The following DIAPH3 variants were observed in gnomAD, a reference collection of about 807,000 sequenced individuals.
DIAPH3 encodes the protein diaphanous related formin 3.
Under a neutral mutation model 144.3 loss-of-function variants are expected in DIAPH3, and 117 were observed. The observed-to-expected ratio is 0.81, with a 90% CI of 0.70 to 0.95. The LOEUF (loss-of-function observed/expected upper bound fraction) is 0.95. Among genes scored for constraint, DIAPH3 ranks in the 40% least tolerant of loss-of-function variants. The pLI is 0.00. For synonymous variants in DIAPH3, 519 were observed against 488.9 expected, an observed-to-expected ratio of 1.06 and a Z score of -0.81; for missense variants, 1,421 against 1,412.7, an observed-to-expected ratio of 1.01 and a Z score of -0.09.
At chr13:59,989,268 G>A (rs1005222816) in intron 12 of DIAPH3, among the ~76,000 whole-genome samples, 1 of 151,650 alleles carries the variant, frequency 6.6e-6, no homozygotes, top group African/African-American at 2.4e-5. Context: ...AAGTTTTACT[G>A]TATGTAAATA....
At chr13:59,718,954 T>C (rs1050140540) in intron 27 of DIAPH3, among the ~76,000 whole-genome samples, 1 of 152,024 alleles carries the variant, frequency 6.6e-6, no homozygotes, top group African/African-American at 2.4e-5. Context: ...TTAAAGAAAA[T>C]GTATTCATAA....
chr13:59,991,050 T>C lies in DIAPH3; in HGVS notation c.1361+108A>G. The stretch of plus-strand genomic sequence containing the variant: ...CAACACATTCTATGAATCAGTGTTA[T>C]GACAAAAATAAAAATCATTTGCTTG... On this transcript the variant is annotated intron_variant, in intron 12 of 27. Coordinates refer to ENST00000400324, the MANE Select transcript of DIAPH3 (RefSeq NM_001042517.2). 8 of 693,678 alleles carry C rather than the reference T, an allele frequency of 1.2e-5. No individual in the cohort carries two copies. In the South Asian group the frequency reaches 1.4e-4, roughly 12 times the overall value. The allele number at this position is 693,678 out of a possible 1,614,324, so 43.0% of individuals were successfully genotyped here.
intron 24 of DIAPH3, among the ~76,000 whole-genome samples, chr13:59,816,449 CCT>C (rs2040775721): frequency 6.6e-6 from 1 of 151,474 alleles, no homozygotes; most frequent in Non-Finnish European, 1.5e-5. Flanking sequence ...ACAGAAAGCT[CCT>C]CTCTTTTTAC....
intron 20 of DIAPH3, among the ~76,000 whole-genome samples, chr13:59,888,811 G>A (rs1179507202): frequency 6.6e-6 from 1 of 151,892 alleles, no homozygotes; most frequent in Non-Finnish European, 1.5e-5. Context: ...TACTAAAAAT[G>A]TCTTCATGTC....
intron 25 of DIAPH3, among the ~76,000 whole-genome samples, chr13:59,804,708 A>G (rs569565451): frequency 6.6e-6 from 1 of 152,266 alleles, no homozygotes; most frequent in South Asian, 2.1e-4. Context: ...AGAAATTACT[A>G]AAACTATTGG....
chr13:60,141,656 T>C (rs2138314379), intron 1 of DIAPH3, among the ~76,000 whole-genome samples: 1 of 152,350 alleles, frequency 6.6e-6, no homozygotes, highest in South Asian at 2.1e-4. Context: ...ATGCAACAAC[T>C]GTTAATTAAA....
chr13:59,917,629 G>A lies in DIAPH3; in HGVS notation c.2171-1380C>T, dbSNP rs551981012. ...GATTTGGCCAGGCACGGTGGCTCAC[G>A]CCTGTAATCCCAGCACTTTGGGAGG... On this transcript the variant is annotated intron_variant, in intron 18 of 27. Transcript: ENST00000400324. 4.4e-4 allele frequency among the ~76,000 whole-genome samples: 67 copies of A among 152,040 alleles called. No individual in the cohort carries two copies. The South Asian group carries it at 0.013, about 30-fold the overall frequency.
At chr13:59,815,881 A>T (rs1030210421) in intron 24 of DIAPH3, among the ~76,000 whole-genome samples, 3 of 151,954 alleles carry the variant, frequency 2.0e-5, no homozygotes, top group Non-Finnish European at 4.4e-5. Flanking sequence ...TCCCTTTTCA[A>T]TCTTTACATT....
chr13:60,134,260 T>G (rs1357190867), intron 1 of DIAPH3, among the ~76,000 whole-genome samples: 2 of 152,196 alleles, frequency 1.3e-5, no homozygotes, highest in African/African-American at 4.8e-5. Flanking sequence ...CTACTTTGAC[T>G]TGGGAATAAG....
At chr13:59,818,778 G>T (rs2040912948) in intron 24 of DIAPH3, among the ~76,000 whole-genome samples, 1 of 151,674 alleles carries the variant, frequency 6.6e-6, no homozygotes, top group South Asian at 2.1e-4. Context: ...TAGATGTATT[G>T]TGCAAATTCA....
At chr13:59,795,494 G>T (rs1021657761) in intron 25 of DIAPH3, among the ~76,000 whole-genome samples, 1 of 134,588 alleles carries the variant, frequency 7.4e-6, no homozygotes, top group Non-Finnish European at 1.5e-5. Flanking sequence ...TCGCTCTCCC[G>T]CCCAGGCTGG....
chr13:59,712,008 T>G (rs528288444), intron 27 of DIAPH3, among the ~76,000 whole-genome samples: 3 of 152,122 alleles, frequency 2.0e-5, no homozygotes, highest in Non-Finnish European at 4.4e-5. Flanking sequence ...AGCTCCTCTC[T>G]TGGGACAATA....
chr13:60,011,293 T>TA (rs2053245188), intron 7 of DIAPH3, among the ~76,000 whole-genome samples: 1 of 152,000 alleles, frequency 6.6e-6, no homozygotes, highest in South Asian at 2.1e-4. Context: ...AACAGAAGCA[T>TA]ATGAAACAAA....
chr13:59,862,655 C>T (rs2043667842), intron 21 of DIAPH3, among the ~76,000 whole-genome samples: 1 of 152,112 alleles, frequency 6.6e-6, no homozygotes, highest in Admixed American at 6.5e-5. Flanking sequence ...CAGTAGTACC[C>T]AGGTGGAAAT....
intron 24 of DIAPH3, among the ~76,000 whole-genome samples, chr13:59,818,925 TTC>T (rs2040921277): frequency 6.6e-6 from 1 of 151,906 alleles, no homozygotes; most frequent in Non-Finnish European, 1.5e-5. Context: ...CTGTTACTTT[TTC>T]TCTTTTTAAA....
At chr13:59,760,008 T>C (rs918739921) in intron 27 of DIAPH3, among the ~76,000 whole-genome samples, 1 of 152,088 alleles carries the variant, frequency 6.6e-6, no homozygotes, top group Non-Finnish European at 1.5e-5. Flanking sequence ...TTGAGACTTA[T>C]TAGAGAGGCT....
chr13:59,810,216 G>A lies in DIAPH3; in HGVS notation c.3163+572C>T, dbSNP rs534812601. 4.5e-4 allele frequency among the ~76,000 whole-genome samples: 68 copies of A among 152,130 alleles called. 2 individuals carry two copies. The South Asian group carries it at 0.014, about 31-fold the overall frequency. ...ACTCTGTCTCCCAGGCTGGAGTGCA[G>A]TGTCAAGATCAAGGCATACTGCAGC... On this transcript the variant is annotated intron_variant, in intron 25 of 27. Coordinates refer to ENST00000400324, the MANE Select transcript of DIAPH3 (RefSeq NM_001042517.2).
chr13:59,694,205 G>C (rs573820500), intron 27 of DIAPH3, among the ~76,000 whole-genome samples: 3 of 152,176 alleles, frequency 2.0e-5, no homozygotes, highest in Admixed American at 2.0e-4. Flanking sequence ...TGAAATAGGA[G>C]ACTGGTAAAA....
At chr13:59,841,766 GGTAA>G (rs759324889) in intron 22 of DIAPH3, among the ~76,000 whole-genome samples, 94 of 152,206 alleles carry the variant, frequency 6.2e-4, no homozygotes, top group Non-Finnish European at 9.9e-4. Context: ...TCTAAAATGT[GGTAA>G]GTGTTTATGT....
Sources: allele counts gnomAD v4.1 joint callset (sites outside exome capture counted in the v4.1 genomes callset), GRCh38; gene constraint gnomAD v4.1.1; transcripts MANE v1.5; gene names NCBI Gene and HGNC (gene_info 2026-07-23, HGNC 2026-07-21).